The following FBLN5 variants were observed in gnomAD, a reference collection of about 807,000 sequenced individuals.
FBLN5 encodes the protein fibulin-5.
A neutral mutation model predicts 61.6 loss-of-function variants in FBLN5; 24 were observed. That is an observed-to-expected ratio of 0.39 (90% CI 0.28 to 0.55). The LOEUF (loss-of-function observed/expected upper bound fraction) is 0.55, where lower values mean the gene tolerates loss of function less well. Ranked by LOEUF, FBLN5 falls within the 20% of genes least tolerant of loss-of-function variation. The pLI is 0.65. For synonymous variants in FBLN5, 213 were observed against 219.8 expected (o/e 0.97, Z 0.27); for missense variants, 470 against 594.1 (o/e 0.79, Z 2.17).
chr14:91,882,453 C>T lies in FBLN5; in HGVS notation c.862+501G>A, dbSNP rs1015306362. Among the ~76,000 whole-genome samples the T allele has an allele frequency of 6.6e-6, 1 of 152,166 alleles. No individual in the cohort carries two copies. The highest frequency in any genetic ancestry group is 1.5e-5 in the Non-Finnish European group (1 of 68,042). ...GCAGGCAAACAGGAGAAGGCCCACC[C>T]CTTTTACAGTCTGGGGTCCCAGCCC... On this transcript the variant is annotated intron_variant, in intron 8 of 10. Transcript: ENST00000342058. This position sits in a 1 kb window ranked among gnomAD's most constrained non-coding sequence, Gnocchi z 4.9.
intron 4 of FBLN5, among the ~76,000 whole-genome samples, chr14:91,907,225 T>C (rs921750140): frequency 1.6e-4 from 24 of 152,166 alleles, no homozygotes; most frequent in African/African-American, 5.5e-4. Flanking sequence ...AATTGGTGCA[T>C]AGTCCCCTTG....
At chr14:91,928,193 C>T (rs932982844) in intron 4 of FBLN5, among the ~76,000 whole-genome samples, 21 of 152,208 alleles carry the variant, frequency 1.4e-4, no homozygotes, top group Non-Finnish European at 2.6e-4. Context: ...AGAAGAGCCA[C>T]GTCACCTAGG....
intron 1 of FBLN5, among the ~76,000 whole-genome samples, chr14:91,946,086 C>G (rs1181161891): frequency 6.7e-6 from 1 of 148,544 alleles, no homozygotes; most frequent in African/African-American, 2.4e-5. Context: ...CCATCTTTCC[C>G]CCTACTCCCC....
At chr14:91,924,570 T>TA (rs1247878461) in intron 4 of FBLN5, among the ~76,000 whole-genome samples, 1 of 151,810 alleles carries the variant, frequency 6.6e-6, no homozygotes, top group African/African-American at 2.4e-5. Context: ...TAGTCCCAGC[T>TA]ACTCGGGAGG....
intron 4 of FBLN5, among the ~76,000 whole-genome samples, chr14:91,926,286 GCCCA>G (rs1402042826): frequency 2.0e-5 from 3 of 152,144 alleles, no homozygotes; most frequent in Non-Finnish European, 4.4e-5. Context: ...CATGCTCAAG[GCCCA>G]GGGCTGGCTG....
intron 6 of FBLN5, among the ~76,000 whole-genome samples, chr14:91,887,934 C>T (rs568470474): frequency 6.6e-6 from 1 of 152,166 alleles, no homozygotes; most frequent in East Asian, 1.9e-4. Context: ...TGCGGGTACA[C>T]GTATGTCAAA....
At chr14:91,878,310 A>T (rs1485890043) in intron 9 of FBLN5, among the ~76,000 whole-genome samples, 1 of 152,222 alleles carries the variant, frequency 6.6e-6, no homozygotes, top group East Asian at 1.9e-4. Flanking sequence ...GGAGAAATAA[A>T]CCACAGACAC....
intron 1 of FBLN5, among the ~76,000 whole-genome samples, chr14:91,944,656 T>G (rs191103702): frequency 4.6e-4 from 70 of 152,292 alleles, no homozygotes; most frequent in African/African-American, 1.6e-3. Context: ...ACAATATGAA[T>G]GAACCCTGAC....
intron 4 of FBLN5, among the ~76,000 whole-genome samples, chr14:91,924,423 C>G (rs1339596830): frequency 6.6e-6 from 1 of 152,220 alleles, no homozygotes; most frequent in Non-Finnish European, 1.5e-5. Context: ...TGTGGTGGCT[C>G]ACGCCTGTAA....
At chr14:91,936,896 G>A (rs754464307) in intron 4 of FBLN5, 51 bp downstream of exon 4, 12 of 1,611,188 alleles carry the variant, frequency 7.4e-6, no homozygotes, top group South Asian at 4.4e-5. Context: ...AGATACAGAC[G>A]ATGTCTTCAC....
At chr14:91,874,027 G>A (rs1889057120) in intron 10 of FBLN5, 1 of 152,354 alleles carries the variant, frequency 6.6e-6, no homozygotes, top group African/African-American at 2.4e-5. Flanking sequence ...CTCAGTGAGA[G>A]ACAGGCAGCC....
intron 4 of FBLN5, among the ~76,000 whole-genome samples, chr14:91,929,080 A>AACACACACACAC (rs113397883): frequency 2.8e-5 from 4 of 143,284 alleles, no homozygotes; most frequent in African/African-American, 1.1e-4. Context: ...CCTGTCTCAA[A>AACACACACACAC]ACACACACAC....
intron 4 of FBLN5, among the ~76,000 whole-genome samples, chr14:91,901,771 C>T (rs1890462344): frequency 6.6e-6 from 1 of 152,242 alleles, no homozygotes. Flanking sequence ...GTGTTTACAG[C>T]ACTTTCCCCA....
chr14:91,909,767 T>C (rs969621796), intron 4 of FBLN5, among the ~76,000 whole-genome samples: 1 of 152,208 alleles, frequency 6.6e-6, no homozygotes, highest in Non-Finnish European at 1.5e-5. Flanking sequence ...TAGGCCTCTA[T>C]TCTTTATAAA....
At chr14:91,933,298 A>C (rs1466519390) in intron 4 of FBLN5, among the ~76,000 whole-genome samples, 1 of 152,080 alleles carries the variant, frequency 6.6e-6, no homozygotes. Context: ...TTTTTGAGGC[A>C]GAGTCTTGCT....
In FBLN5 at chr14:91,882,851, C is replaced by T. The variant is rs1889538696; in HGVS notation, c.862+103G>A. ...TCACACCCCCACCCCTGCCACCTTC[C>T]CAAAGCTGCACATGATTCCCCAGGT... On this transcript the variant is annotated intron_variant, in intron 8 of 10. Transcript: ENST00000342058. This position sits in a 1 kb window ranked among gnomAD's most constrained non-coding sequence, Gnocchi z 4.9. The T allele has an allele frequency of 7.1e-7, 1 of 1,407,082 alleles. No homozygotes were observed. Among genetic ancestry groups the T allele is most frequent in the Non-Finnish European group, 9.8e-7 (1 of 1,015,950 alleles). 87.2% of individuals were successfully genotyped at this position (1,407,082 alleles called of 1,614,324 possible). A position where few individuals can be genotyped will look rare whatever the true frequency, so the allele number is the denominator to read the frequency against.
chr14:91,901,604 C>A (rs977637111), intron 4 of FBLN5, among the ~76,000 whole-genome samples: 1 of 152,116 alleles, frequency 6.6e-6, no homozygotes, highest in Non-Finnish European at 1.5e-5. Context: ...TTCAGCAAGA[C>A]GAGCCCAGCC....
chr14:91,890,401 G>C (rs763663679), intron 6 of FBLN5, among the ~76,000 whole-genome samples: 2 of 152,214 alleles, frequency 1.3e-5, no homozygotes, highest in African/African-American at 4.8e-5. Flanking sequence ...TTCTGCGTCT[G>C]CAGCACTGCC....
intron 9 of FBLN5, among the ~76,000 whole-genome samples, chr14:91,879,794 C>A (rs1473173596): frequency 1.3e-5 from 2 of 152,200 alleles, no homozygotes; most frequent in African/African-American, 4.8e-5. Context: ...AAGTGGGTAC[C>A]ACTGGTAAGC....
Sources: gnomAD v4.1 joint callset for allele counts (sites outside exome capture counted in the v4.1 genomes callset) on GRCh38, gnomAD v4.1.1 for gene constraint, Gnocchi (gnomAD v3.1) non-coding constraint, MANE v1.5 for transcripts, NCBI Gene and HGNC (gene_info 2026-07-23, HGNC 2026-07-21) for gene names.